Variants in TRMT11 observed in about 807,000 individuals in gnomAD.
TRMT11 encodes the protein tRNA methyltransferase 11, also known as tRNA (guanine(10)-N(2))-methyltransferase TRMT11.
A neutral mutation model predicts 62.8 loss-of-function variants in TRMT11; 53 were observed. The ratio of observed to expected loss-of-function variants is 0.84; its 90% confidence interval spans 0.68 to 1.06. The LOEUF (loss-of-function observed/expected upper bound fraction) is 1.06. Ranked by LOEUF, TRMT11 falls within the 50% of genes least tolerant of loss-of-function variation. TRMT11 has a pLI of 0.00. For synonymous variants in TRMT11, 188 were observed against 190.3 expected (o/e 0.99, Z 0.10); for missense variants, 556 against 553.4 (o/e 1.00, Z -0.05).
intron 17 of TRMT11, among the ~76,000 whole-genome samples, chr6:126,063,838 C>T (rs1200107744): frequency 1.3e-5 from 2 of 152,148 alleles, no homozygotes; most frequent in Admixed American, 1.3e-4. Flanking sequence ...TGGGAGGATC[C>T]GAGCCTTCTG....
chr6:126,058,882 C>G lies in TRMT11; in HGVS notation c.*1437+5692C>G, dbSNP rs142392641. Among the ~76,000 whole-genome samples, 269 of 152,070 alleles carry G rather than the reference C, an allele frequency of 1.8e-3. 1 individual carries two copies. The highest frequency in any genetic ancestry group is 6.4e-3 in the African/African-American group (264 of 41,482). ...CCAGTGGTATTTCAAAAGGATAGGG[C>G]CCACGGAGATGACTGAGCTGGCTGG... On this transcript the variant is annotated intron_variant and NMD_transcript_variant, in intron 17 of 22. Coordinates refer to the TRMT11 transcript ENST00000648977.
chr6:126,064,585 A>G (rs189842808), intron 17 of TRMT11, among the ~76,000 whole-genome samples: 21 of 152,310 alleles, frequency 1.4e-4, no homozygotes, highest in African/African-American at 5.1e-4. Context: ...AGTCACCACG[A>G]AAGATTAGAG....
At chr6:126,191,777 T>G (rs1414304525) in intron 1 of TRMT11, among the ~76,000 whole-genome samples, 2 of 152,086 alleles carry the variant, frequency 1.3e-5, no homozygotes, top group Non-Finnish European at 2.9e-5. Context: ...TATCTCTGGG[T>G]TCTCTAATCT....
chr6:126,090,539 A>C (rs1305703045), intron 17 of TRMT11, among the ~76,000 whole-genome samples: 1 of 152,212 alleles, frequency 6.6e-6, no homozygotes, highest in Non-Finnish European at 1.5e-5. Flanking sequence ...CTCTGGAAGC[A>C]ATTAGTTGAT....
Position 126,048,687 on chromosome 6 carries a change from C to G in TRMT11, c.*1370-4436C>G, listed in dbSNP as rs111362777. ...GACACAAGTAAAGTACTTGATGTTT[C>G]TGATGCAAAGGCTACCATTTGGTGC... On this transcript the variant is annotated intron_variant and NMD_transcript_variant, in intron 16 of 22. Transcript: ENST00000648977. Among the ~76,000 whole-genome samples, 205 of 152,300 alleles carry G rather than the reference C, an allele frequency of 1.3e-3. 2 individuals are homozygous for G. The highest frequency in any genetic ancestry group is 4.7e-3 in the African/African-American group (197 of 41,560).
chr6:126,020,875 T>C (rs1795716073), intron 11 of TRMT11, among the ~76,000 whole-genome samples: 1 of 152,260 alleles, frequency 6.6e-6, no homozygotes, highest in South Asian at 2.1e-4. Flanking sequence ...GGTGGAATCA[T>C]CTTGTACTTT....
chr6:126,211,024 G>A, the TRMT11 span, among the ~76,000 whole-genome samples: 1 of 146,594 alleles, frequency 6.8e-6, no homozygotes, highest in Non-Finnish European at 1.5e-5. Context: ...CATTAGCCTT[G>A]GATTCTGTGA....
At chr6:126,022,112 C>T (rs1268123) in intron 12 of TRMT11, among the ~76,000 whole-genome samples, 18,445 of 133,228 alleles carry the variant, frequency 0.14, 1,394 homozygotes, top group Middle Eastern at 0.23. Flanking sequence ...CAGGCAATCT[C>T]GGCTCACTGC....
chr6:126,220,469 T>C, the TRMT11 span, among the ~76,000 whole-genome samples: 2 of 152,316 alleles, frequency 1.3e-5, no homozygotes, highest in South Asian at 2.1e-4. Context: ...GAAAAAATGG[T>C]TAACCATGTC....
At chr6:126,012,728 T>C (rs1173817340) in intron 9 of TRMT11, 43 bp from the exon 10 acceptor site, 11 of 1,494,220 alleles carry the variant, frequency 7.4e-6, no homozygotes, top group Admixed American at 1.8e-5. Flanking sequence ...ATCCATGATT[T>C]GGTGACTTTT....
At chr6:126,252,436 A>G in the TRMT11 span, among the ~76,000 whole-genome samples, 5 of 152,216 alleles carry the variant, frequency 3.3e-5, no homozygotes, top group African/African-American at 1.2e-4. Flanking sequence ...TCCAAAGTGG[A>G]TGTTGCAGGG....
chr6:126,200,192 T>C (rs1202284245), intron 3 of TRMT11, among the ~76,000 whole-genome samples: 1 of 152,180 alleles, frequency 6.6e-6, no homozygotes, highest in Non-Finnish European at 1.5e-5. Flanking sequence ...GTTTATCAAG[T>C]TGGAAATACT....
At chr6:126,089,029 T>C (rs1439040384) in intron 17 of TRMT11, among the ~76,000 whole-genome samples, 2 of 152,222 alleles carry the variant, frequency 1.3e-5, no homozygotes, top group Admixed American at 6.5e-5. Context: ...CAGACCAATA[T>C]CACCTTGTCT....
At chr6:126,023,944 GA>G (rs1796189421) in intron 12 of TRMT11, among the ~76,000 whole-genome samples, 1 of 152,094 alleles carries the variant, frequency 6.6e-6, no homozygotes, top group African/African-American at 2.4e-5. Context: ...TAATGCTTTA[GA>G]AAGAACAAAG....
intron 17 of TRMT11, among the ~76,000 whole-genome samples, chr6:126,079,756 T>C (rs1777117594): frequency 6.6e-6 from 1 of 152,132 alleles, no homozygotes; most frequent in African/African-American, 2.4e-5. Flanking sequence ...GATTTTGAAC[T>C]ATGCGTTGGT....
intron 21 of TRMT11, among the ~76,000 whole-genome samples, chr6:126,126,528 C>T (rs913620696): frequency 5.9e-5 from 9 of 152,046 alleles, no homozygotes; most frequent in African/African-American, 2.2e-4. Context: ...TTGCTTCTGC[C>T]CTGTTTTCAC....
At chr6:126,115,429 T>C (rs749334683) in exon 20 of TRMT11, among the ~76,000 whole-genome samples, 5 of 152,138 alleles carry the variant, frequency 3.3e-5, no homozygotes, top group African/African-American at 4.8e-5. Context: ...ATGATTCCAA[T>C]GTGCAGTGAA....
intron 17 of TRMT11, among the ~76,000 whole-genome samples, chr6:126,085,824 T>C (rs766744532): frequency 3.9e-5 from 6 of 152,234 alleles, no homozygotes; most frequent in Non-Finnish European, 8.8e-5. Flanking sequence ...TAAAGAAATA[T>C]GTACTTTGGG....
chr6:126,218,043 G>A, the TRMT11 span, among the ~76,000 whole-genome samples: 4 of 152,138 alleles, frequency 2.6e-5, no homozygotes, highest in African/African-American at 9.7e-5. Flanking sequence ...CCCAAGGCCT[G>A]CAGTGAGTAC....
Sources: gnomAD v4.1 joint callset for allele counts (sites outside exome capture counted in the v4.1 genomes callset) on GRCh38, gnomAD v4.1.1 for gene constraint, MANE v1.5 for transcripts, NCBI Gene and HGNC (gene_info 2026-07-23, HGNC 2026-07-21) for gene names.